PLA2R1: variants seen among roughly 807,000 people sequenced by gnomAD.
PLA2R1 encodes the protein phospholipase A2 receptor 1, also known as secretory phospholipase A2 receptor.
In PLA2R1, 158 loss-of-function variants were observed where a neutral mutation model predicts 195.9. That is an observed-to-expected ratio of 0.81 (90% confidence interval 0.71 to 0.92). The LOEUF is 0.92. Ranked by LOEUF, PLA2R1 falls within the 40% of genes least tolerant of loss-of-function variation. The probability of loss-of-function intolerance (pLI) is 0.00; values close to 1 mark genes in which losing one functional copy is unlikely to be tolerated. For synonymous variants in PLA2R1, 586 were observed against 598.2 expected, an observed-to-expected ratio of 0.98 and a Z score of 0.30; for missense variants, 1,626 against 1,764.6, an observed-to-expected ratio of 0.92 and a Z score of 1.41.
intron 17 of PLA2R1, among the ~76,000 whole-genome samples, chr2:159,971,670 T>G (rs575456491): frequency 6.6e-6 from 1 of 152,316 alleles, no homozygotes; most frequent in Admixed American, 6.5e-5. Flanking sequence ...TTTTATATGC[T>G]AAAATCCTGT....
chr2:160,005,382 C>A (rs1297326667), intron 11 of PLA2R1, among the ~76,000 whole-genome samples: 3 of 152,122 alleles, frequency 2.0e-5, no homozygotes, highest in Non-Finnish European at 4.4e-5. Context: ...CTGCAGTGAA[C>A]CGAGATTGCA....
At chr2:160,033,845 G>A (rs1694006112) in intron 3 of PLA2R1, among the ~76,000 whole-genome samples, 1 of 152,154 alleles carries the variant, frequency 6.6e-6, no homozygotes. Context: ...ACTCCAAGGT[G>A]AACTAAGTAG....
intron 3 of PLA2R1, among the ~76,000 whole-genome samples, chr2:160,037,541 T>C (rs1463292942): frequency 6.6e-6 from 1 of 152,170 alleles, no homozygotes; most frequent in South Asian, 2.1e-4. Flanking sequence ...TCACTGACAT[T>C]GTTTGGAATG....
chr2:160,005,665 G>T lies in PLA2R1; in HGVS notation c.1821C>A (p.Asn607Lys). Residue 607 changes from asparagine to lysine, a missense_variant, in exon 11 of 30, where the codon AAC becomes AAA. Asn to Lys is a moderately conservative substitution (Grantham distance 94). Transcript: ENST00000283243. ...KPEPVQYTHW[N>K]THQPRYSGGC... ...CACTCTACTCACGCGGCTGGTGTGT[G>T]TTCCAGTGTGTGTACTGCACCGGCT... 1 of 1,613,928 alleles carries T rather than the reference G, an allele frequency of 6.2e-7. No homozygotes were observed. Among genetic ancestry groups the T allele is most frequent in the East Asian group, 2.2e-5 (1 of 44,868 alleles).
chr2:160,016,846 TG>T, intron 8 of PLA2R1, 134 bp from the exon 9 acceptor site: 1 of 607,434 alleles, frequency 1.6e-6, no homozygotes, highest in South Asian at 2.0e-5. Flanking sequence ...CACTCTGCTT[TG>T]TCACGGAAAG....
In PLA2R1 at chr2:159,941,931, A is replaced by T. The variant is rs747098064; in HGVS notation, c.4239T>A (p.Ile1413=). Residue 1413 remains isoleucine, a synonymous_variant, in exon 30 of 30, where the codon ATT becomes ATA. Coordinates refer to ENST00000283243, the MANE Select transcript of PLA2R1 (RefSeq NM_007366.5). ...VVLTLIVIVA[I]CTLSFCIYKH... is the part of the protein sequence containing the mutation. ...TGTATATGCAGAAGGAAAGTGTGCA[A>T]ATGGCCACAATGACTATCAGTGTCA... is the stretch of plus-strand genomic sequence containing the variant. 1.2e-6 allele frequency: 2 copies of T among 1,613,790 alleles called. No individual in the cohort carries two copies. Among genetic ancestry groups the T allele is most frequent in the Admixed American group, 3.3e-5 (2 of 59,988 alleles).
chr2:160,047,514 G>T (rs1048259875), intron 1 of PLA2R1, among the ~76,000 whole-genome samples: 1 of 152,134 alleles, frequency 6.6e-6, no homozygotes, highest in Non-Finnish European at 1.5e-5. Flanking sequence ...CACACAGTGG[G>T]TGCAGACATT....
At chr2:159,999,942 T>C (rs1295776740) in intron 11 of PLA2R1, among the ~76,000 whole-genome samples, 1 of 152,134 alleles carries the variant, frequency 6.6e-6, no homozygotes, top group African/African-American at 2.4e-5. Context: ...GGATAAAACA[T>C]TTTGAAAACA....
chr2:160,047,971 G>A (rs950674254), intron 1 of PLA2R1, among the ~76,000 whole-genome samples: 8 of 152,112 alleles, frequency 5.3e-5, no homozygotes, highest in Non-Finnish European at 1.0e-4. Context: ...GATTACAGGT[G>A]TGTACCACCA....
rs1310677675 is a variant in PLA2R1, at chr2:159,937,171, T to C, written c.*4607A>G. On this transcript the variant is annotated 3_prime_UTR_variant, in exon 30 of 30. Transcript: ENST00000283243. ...GTCATTAGAATGATTCATGTCAATT[T>C]CCTACAAGTAAAATTAAAAGGCTTT... 2.0e-5 allele frequency: 3 copies of C among 152,222 alleles called. No homozygotes were observed. Among genetic ancestry groups the C allele is most frequent in the Non-Finnish European group, 2.9e-5 (2 of 68,046 alleles). 9.4% of individuals were successfully genotyped at this position (152,222 alleles called of 1,614,324 possible). A position where few individuals can be genotyped will look rare whatever the true frequency, so the allele number is the denominator to read the frequency against.
intron 15 of PLA2R1, 121 bp downstream of exon 15, chr2:159,977,163 G>C: frequency 1.4e-6 from 1 of 731,684 alleles, no homozygotes; most frequent in Admixed American, 2.8e-5. Context: ...TTTTGCTAAA[G>C]TAGTGTAATT....
Position 160,047,767 on chromosome 2 carries a change from G to C in PLA2R1, c.110-2610C>G, listed in dbSNP as rs942097088. On this transcript the variant is annotated intron_variant, in intron 1 of 29. Transcript: ENST00000283243. ...GCAGTGTGTAGATGCGGGAATGGCT[G>C]GTCTGTGAATAAATAGACATGAAAA... 7.3e-5 allele frequency among the ~76,000 whole-genome samples: 11 copies of C among 150,980 alleles called. No individual in the cohort carries two copies. The South Asian group carries it at 1.5e-3, about 20-fold the overall frequency.
intron 24 of PLA2R1, 51 bp downstream of exon 24, chr2:159,951,289 G>A (rs1687724298): frequency 1.0e-6 from 1 of 959,022 alleles, no homozygotes; most frequent in African/African-American, 1.6e-5. Context: ...GAAGGAGGTA[G>A]ATGCTAAACT....
chr2:160,028,776 T>A, intron 5 of PLA2R1, 74 bp downstream of exon 5: 1 of 861,188 alleles, frequency 1.2e-6, no homozygotes, highest in Non-Finnish European at 2.0e-6. Flanking sequence ...ATGTCCTATG[T>A]GCATGGGAAA....
At chr2:159,995,370 C>A (rs1019861639) in intron 11 of PLA2R1, among the ~76,000 whole-genome samples, 5 of 152,046 alleles carry the variant, frequency 3.3e-5, no homozygotes, top group African/African-American at 4.8e-5. Context: ...AGGAACTCTG[C>A]TTCAATTCCA....
chr2:159,981,536 G>T (rs1202622571), intron 13 of PLA2R1, among the ~76,000 whole-genome samples: 1 of 151,998 alleles, frequency 6.6e-6, no homozygotes, highest in East Asian at 1.9e-4. Flanking sequence ...CTCCTGAGTA[G>T]CTGGGACTAC....
At chr2:160,011,748 T>C (rs1379349786) in intron 10 of PLA2R1, among the ~76,000 whole-genome samples, 1 of 152,210 alleles carries the variant, frequency 6.6e-6, no homozygotes, top group Non-Finnish European at 1.5e-5. Context: ...AAGGTGTTCT[T>C]GGAACCTTTT....
At chr2:159,994,595 G>T (rs1249970643) in intron 11 of PLA2R1, among the ~76,000 whole-genome samples, 1 of 152,028 alleles carries the variant, frequency 6.6e-6, no homozygotes, top group Admixed American at 6.6e-5. Flanking sequence ...AAATAATGCT[G>T]AAATGTTTAT....
intron 19 of PLA2R1, 145 bp downstream of exon 19, chr2:159,969,111 C>T: frequency 1.8e-6 from 1 of 565,346 alleles, no homozygotes; most frequent in Non-Finnish European, 3.1e-6. Context: ...CATCCTTAAG[C>T]CTTATGGCAG....
Sources: allele counts gnomAD v4.1 joint callset (sites outside exome capture counted in the v4.1 genomes callset), GRCh38; gene constraint gnomAD v4.1.1; transcripts MANE v1.5; gene names NCBI Gene and HGNC (gene_info 2026-07-23, HGNC 2026-07-21).